DBH: variants seen among roughly 807,000 people sequenced by gnomAD.
The protein encoded by DBH is dopamine beta-hydroxylase.
A neutral mutation model predicts 64.0 loss-of-function variants in DBH; 49 were observed. That is an observed-to-expected ratio of 0.77 (90% confidence interval 0.61 to 0.97). The LOEUF (loss-of-function observed/expected upper bound fraction) is 0.97. Among genes scored for constraint, DBH ranks in the 50% least tolerant of loss-of-function variants. The probability of loss-of-function intolerance (pLI) is 0.00; values close to 1 mark genes in which losing one functional copy is unlikely to be tolerated. For missense variants in DBH, 828 were observed against 826.6 expected, an observed-to-expected ratio of 1.00 and a Z score of -0.02; for synonymous variants, 343 against 347.1, an observed-to-expected ratio of 0.99 and a Z score of 0.13.
rs541074299 is a variant in DBH at position 133,646,905 on chromosome 9, C to T, written c.1025-941C>T. Among the ~76,000 whole-genome samples the T allele has an allele frequency of 3.2e-3, 480 of 152,246 alleles. 1 individual carries two copies. Among genetic ancestry groups the T allele is most frequent in the African/African-American group, 9.7e-3 (402 of 41,548 alleles). Reference sequence around the variant, plus strand: ...CTTCAGGGACTCTCCAATTAGCAAACGGCAAGGAGAACTAACAGGTGTGGC... The same window carrying T: ...CTTCAGGGACTCTCCAATTAGCAAATGGCAAGGAGAACTAACAGGTGTGGC... On this transcript the variant is annotated intron_variant, in intron 5 of 11. Transcript: ENST00000393056.
intron 1 of DBH, among the ~76,000 whole-genome samples, chr9:133,639,536 G>A (rs1832091918): frequency 6.6e-6 from 1 of 152,204 alleles, no homozygotes; most frequent in South Asian, 2.1e-4. Flanking sequence ...CGCCCGCCAG[G>A]CCCGGGAATG....
Position 133,636,614 on chromosome 9 carries a change from CA to C in DBH, c.245del (p.Lys82ArgfsTer62). On this transcript the variant is annotated frameshift_variant, in exon 1 of 12. Coordinates refer to ENST00000393056, the MANE Select transcript of DBH (RefSeq NM_000787.4). LOFTEE classifies it high-confidence loss of function. The stretch of plus-strand genomic sequence containing the variant: ...ATTTCCAGCTCCTGGTGCGGAGGCT[CA>C]AGGCTGGCGTCCTGTTTGGGATGTC... ...IHFQLLVRRL[K>X]AGVLFGMSDR... 6.2e-7 allele frequency: 1 copy of C among 1,613,642 alleles called. No individual in the cohort carries two copies. Among genetic ancestry groups the C allele is most frequent in the Non-Finnish European group, 8.5e-7 (1 of 1,180,008 alleles).
intron 1 of DBH, among the ~76,000 whole-genome samples, chr9:133,638,873 G>A (rs765965605): frequency 1.5e-4 from 23 of 152,294 alleles, no homozygotes; most frequent in Non-Finnish European, 2.2e-4. Context: ...GGTCTCCCTG[G>A]TGGTCTTCCA....
chr9:133,636,539 G>C lies in DBH; in HGVS notation c.168G>C (p.Glu56Asp), dbSNP rs1303774367. ...CCTATCACATCCCCCTGGACCCGGA[G>C]GGGTCCCTGGAGCTCTCATGGAATG... ...PLPYHIPLDP[E>D]GSLELSWNVS... Residue 56 changes from glutamate (E) to aspartate (D), a missense_variant, in exon 1 of 12, where the codon GAG (glutamate) becomes GAC (aspartate). By Grantham distance (45) the Glu-to-Asp change is conservative (BLOSUM62 2). Transcript: ENST00000393056. 3 of 1,613,516 alleles carry C rather than the reference G, an allele frequency of 1.9e-6. No homozygotes were observed. Among genetic ancestry groups the C allele is most frequent in the Non-Finnish European group, 2.5e-6 (3 of 1,179,998 alleles).
rs5901024 is a variant in DBH at position 133,650,551 on chromosome 9, C to CT, written c.1192-1068dup. Among the ~76,000 whole-genome samples the CT allele has an allele frequency of 8.0e-3, 896 of 112,376 alleles. 26 individuals are homozygous for CT. The highest frequency in any genetic ancestry group is 0.016 in the African/African-American group (470 of 29,858). 73.7% of individuals were successfully genotyped at this position (112,376 alleles called of 152,430 possible). On this transcript the variant is annotated intron_variant, in intron 6 of 11. Coordinates refer to ENST00000393056, the MANE Select transcript of DBH (RefSeq NM_000787.4). ...TTCTCTTTTCTTTCTTCCTTCCTTT[C>CT]TTTTTTTTTTTTTTTGATGGAGTTT... is the stretch of plus-strand genomic sequence containing the variant.
At chr9:133,638,941 C>T (rs889286566) in intron 1 of DBH, among the ~76,000 whole-genome samples, 1 of 152,044 alleles carries the variant, frequency 6.6e-6, no homozygotes, top group Non-Finnish European at 1.5e-5. Flanking sequence ...GCAAGGGGAG[C>T]GGCCGGAGAC....
chr9:133,638,273 A>C (rs1431452931), intron 1 of DBH, among the ~76,000 whole-genome samples: 1 of 152,268 alleles, frequency 6.6e-6, no homozygotes, highest in African/African-American at 2.4e-5. Flanking sequence ...CCTCTGTTTA[A>C]AATGAGTCTC....
chr9:133,642,044 C>T (rs375860332), intron 2 of DBH, among the ~76,000 whole-genome samples, 163 bp from the exon 3 acceptor site: 213 of 152,294 alleles, frequency 1.4e-3, no homozygotes, highest in African/African-American at 4.9e-3. Flanking sequence ...CGGGATTTGG[C>T]CCCAGCCAGG....
intron 8 of DBH, 103 bp downstream of exon 8, chr9:133,652,387 G>C: frequency 1.4e-6 from 2 of 1,432,280 alleles, no homozygotes; most frequent in Non-Finnish European, 1.9e-6. Context: ...AAAGTGATAG[G>C]GGGAGGGAGA....
rs267606760 is a variant in DBH, at chr9:133,636,672, G to A, written c.301G>A (p.Val101Met). The change falls in exon 1 of 12, where the codon GTG becomes ATG. Residue 101 changes from valine to methionine, a missense_variant. Val to Met is a conservative substitution (Grantham distance 21). Coordinates refer to ENST00000393056, the MANE Select transcript of DBH (RefSeq NM_000787.4). ...TGGCGAGCTTGAGAACGCAGATCTC[G>A]TGGTGCTCTGGACCGATGGGGACAC... ...DRGELENADL[V>M]VLWTDGDTAY... 7.6e-5 allele frequency: 122 copies of A among 1,608,142 alleles called. No individual in the cohort carries two copies. The highest frequency in any genetic ancestry group is 8.9e-5 in the Non-Finnish European group (105 of 1,179,996).
In DBH at chr9:133,658,848, C is replaced by T. The variant is rs886063665; in HGVS notation, c.*401C>T. 1.3e-4 allele frequency: 20 copies of T among 158,166 alleles called. No homozygotes were observed. Among genetic ancestry groups the T allele is most frequent in the East Asian group, 1.8e-4 (1 of 5,538 alleles). 9.8% of individuals were successfully genotyped at this position (158,166 alleles called of 1,614,324 possible). A position where few individuals can be genotyped will look rare whatever the true frequency, so the allele number is the denominator to read the frequency against. On this transcript the variant is annotated 3_prime_UTR_variant, in exon 12 of 12. Transcript: ENST00000393056. ...GAATCACCGGGAACGCCCCCGCCCC[C>T]GCCCCGCTGCTCCCGGTGTGCAGCG...
intron 11 of DBH, chr9:133,657,441 AG>A (rs1832343344): frequency 1.7e-5 from 7 of 420,750 alleles, no homozygotes; most frequent in African/African-American, 1.5e-4. Flanking sequence ...GAGGAGAGAG[AG>A]GAGAGAGAGG....
chr9:133,654,580 A>G (rs2097628), intron 9 of DBH: 59,799 of 151,782 alleles, frequency 0.39, 11,828 homozygotes, highest in East Asian at 0.51. Flanking sequence ...CAGGGTGGAG[A>G]CAGGACAGCT....
rs1554736474 is a variant in DBH, at chr9:133,654,116, A to ATATTT, written c.1434+1124_1434+1128dup. On this transcript the variant is annotated intron_variant, in intron 9 of 11. Coordinates refer to ENST00000393056, the MANE Select transcript of DBH (RefSeq NM_000787.4). ...CCAGTGGTTTATTTTATTTTATTTTATATTTTATTTTTTTTTGAGACGGAG... is the reference window on the plus strand; with the variant it reads ...CCAGTGGTTTATTTTATTTTATTTTATATTTTATTTTATTTTTTTTTGAGACGGAG... Among the ~76,000 whole-genome samples, 6 of 151,434 alleles carry ATATTT rather than the reference A, an allele frequency of 4.0e-5. No homozygotes were observed. The East Asian group carries it at 9.7e-4, about 25-fold the overall frequency.
intron 1 of DBH, among the ~76,000 whole-genome samples, chr9:133,637,568 C>G (rs971761910): frequency 2.0e-5 from 3 of 152,264 alleles, no homozygotes; most frequent in African/African-American, 7.2e-5. Flanking sequence ...TCAGGAGGTG[C>G]CTGCTTTATC....
At chr9:133,650,428 T>C (rs2131290394) in intron 6 of DBH, among the ~76,000 whole-genome samples, 1 of 150,152 alleles carries the variant, frequency 6.7e-6, no homozygotes, top group Non-Finnish European at 1.5e-5. Context: ...CGTGTTCTTT[T>C]CTTTCCTTCT....
At chr9:133,641,825 G>A (rs1292846071) in intron 2 of DBH, among the ~76,000 whole-genome samples, 1 of 152,226 alleles carries the variant, frequency 6.6e-6, no homozygotes, top group Non-Finnish European at 1.5e-5. Flanking sequence ...TCCTCAGGCT[G>A]GGCTGCTGAA....
chr9:133,655,583 T>C (rs1832306551), intron 9 of DBH: 1 of 152,326 alleles, frequency 6.6e-6, no homozygotes, highest in Admixed American at 6.5e-5. Context: ...CGGCAGCTGG[T>C]GTAAGTGCCA....
intron 5 of DBH, among the ~76,000 whole-genome samples, chr9:133,644,664 C>T (rs1051813345): frequency 1.3e-5 from 2 of 152,304 alleles, no homozygotes; most frequent in South Asian, 2.1e-4. Flanking sequence ...TGCCAGATGC[C>T]AAGTTCCAAA....
Sources: gnomAD v4.1 joint callset for allele counts (sites outside exome capture counted in the v4.1 genomes callset) on GRCh38, gnomAD v4.1.1 for gene constraint, MANE v1.5 for transcripts, NCBI Gene and HGNC (gene_info 2026-07-23, HGNC 2026-07-21) for gene names.